Variants in RAB11FIP3 observed in about 807,000 individuals in gnomAD.
RAB11FIP3 encodes rab11 family-interacting protein 3.
Under a neutral mutation model 77.8 loss-of-function variants are expected in RAB11FIP3, and 17 were observed. The ratio of observed to expected loss-of-function variants is 0.22; its 90% confidence interval spans 0.15 to 0.33. The LOEUF is 0.33. Ranked by LOEUF, RAB11FIP3 falls within the 10% of genes least tolerant of loss-of-function variation. RAB11FIP3 has a pLI of 1.00. For synonymous variants in RAB11FIP3, 437 were observed against 448.2 expected (o/e 0.98, Z 0.31); for missense variants, 1,005 against 1,011.2 (o/e 0.99, Z 0.08).
chr16:508,839 A>G (rs2031997290), intron 8 of RAB11FIP3, among the ~76,000 whole-genome samples: 1 of 151,230 alleles, frequency 6.6e-6, no homozygotes, highest in Admixed American at 6.6e-5. Flanking sequence ...CCTCGTCTCT[A>G]ATTTTATCTT....
intron 6 of RAB11FIP3, among the ~76,000 whole-genome samples, chr16:499,220 G>T (rs1372714997): frequency 6.6e-6 from 1 of 152,100 alleles, no homozygotes; most frequent in Non-Finnish European, 1.5e-5. Flanking sequence ...CTCAAAAAAA[G>T]AAAGAAAAAG....
intron 8 of RAB11FIP3, among the ~76,000 whole-genome samples, chr16:508,268 T>C (rs1428795618): frequency 6.6e-6 from 1 of 152,252 alleles, no homozygotes; most frequent in Non-Finnish European, 1.5e-5. Context: ...CGCAGGGCCT[T>C]GATGTTCTCT....
chr16:456,068 A>C (rs1347419272), intron 1 of RAB11FIP3, among the ~76,000 whole-genome samples: 2 of 150,800 alleles, frequency 1.3e-5, no homozygotes, highest in Admixed American at 6.6e-5. Context: ...TGGCTCGCTC[A>C]CACCTGTAAC....
chr16:461,897 C>T lies in RAB11FIP3; in HGVS notation c.808+400C>T, dbSNP rs1258094155. 6.6e-6 allele frequency among the ~76,000 whole-genome samples: 1 copy of T among 152,208 alleles called. No homozygotes were observed. Among genetic ancestry groups the T allele is most frequent in the Non-Finnish European group, 1.5e-5 (1 of 68,044 alleles). On this transcript the variant is annotated intron_variant, in intron 2 of 13. Coordinates refer to ENST00000262305, the MANE Select transcript of RAB11FIP3 (RefSeq NM_014700.4). The surrounding 1 kb of genome is among the most constrained non-coding windows in gnomAD (Gnocchi z 4.5). ...CTCTGTCCATCTCCAGTCTGTCCCC[C>T]AGCCCCTCTTGAATGGGATGTGTTT...
chr16:481,224 C>A (rs996574426), intron 3 of RAB11FIP3, among the ~76,000 whole-genome samples: 6 of 151,982 alleles, frequency 3.9e-5, no homozygotes, highest in African/African-American at 1.4e-4. Context: ...CTCAAATGGT[C>A]CTCCTGGCTG....
intron 1 of RAB11FIP3, among the ~76,000 whole-genome samples, chr16:449,390 C>T (rs541499203): frequency 6.6e-6 from 1 of 152,196 alleles, no homozygotes; most frequent in Admixed American, 6.5e-5. Flanking sequence ...GTTCTTAGGT[C>T]CTGGAGAACC....
chr16:492,383 C>T (rs200029990), intron 5 of RAB11FIP3, among the ~76,000 whole-genome samples: 6,273 of 99,258 alleles, frequency 0.063, 245 homozygotes, highest in African/African-American at 0.23. Context: ...CCCGAGGCCG[C>T]CCAGAGCCCT....
intron 9 of RAB11FIP3, among the ~76,000 whole-genome samples, chr16:515,074 G>A (rs1384640205): frequency 1.3e-5 from 2 of 152,208 alleles, no homozygotes; most frequent in African/African-American, 2.4e-5. Context: ...GGGCAGAGCC[G>A]AGTGTGTCTG....
In RAB11FIP3 at chr16:425,910, C is replaced by T. The variant is rs1401312019; in HGVS notation, c.-97C>T. On this transcript the variant is annotated 5_prime_UTR_variant, in exon 1 of 14. Transcript: ENST00000262305. ...GCAGCCCGGGCGCCCCGCGCGCGCC[C>T]GCCCGCGCCGCCGAGGGGATGCCCG... 1.9e-5 allele frequency: 7 copies of T among 360,550 alleles called. No individual in the cohort carries two copies. Among genetic ancestry groups the T allele is most frequent in the African/African-American group, 1.6e-4 (7 of 44,698 alleles). 22.3% of individuals were successfully genotyped at this position (360,550 alleles called of 1,614,324 possible).
At chr16:491,060 G>A (rs747511289) in intron 5 of RAB11FIP3, 20 of 1,216,406 alleles carry the variant, frequency 1.6e-5, no homozygotes, top group South Asian at 1.6e-4. Flanking sequence ...TGTTCCCCTC[G>A]GCCCCTCGTG....
chr16:515,625 C>T (rs752059014), intron 9 of RAB11FIP3, among the ~76,000 whole-genome samples: 2 of 151,696 alleles, frequency 1.3e-5, no homozygotes, highest in African/African-American at 2.4e-5. Context: ...CCGGGGTTCG[C>T]ATCTCGGAGC....
At chr16:519,160 C>A in intron 10 of RAB11FIP3, 136 bp downstream of exon 10, 1 of 903,842 alleles carries the variant, frequency 1.1e-6, no homozygotes. Flanking sequence ...CAGCTCAGGG[C>A]CCAGGCCGCT....
chr16:440,486 T>C (rs1468340818), intron 1 of RAB11FIP3, among the ~76,000 whole-genome samples: 1 of 152,176 alleles, frequency 6.6e-6, no homozygotes, highest in Non-Finnish European at 1.5e-5. Flanking sequence ...GGGAGGCTCT[T>C]GCTCTGCCTA....
intron 6 of RAB11FIP3, among the ~76,000 whole-genome samples, chr16:497,987 A>C (rs1388639203): frequency 6.6e-6 from 1 of 151,736 alleles, no homozygotes; most frequent in African/African-American, 2.4e-5. Flanking sequence ...AAAAAAAGGA[A>C]AATAGGCAAG....
intron 4 of RAB11FIP3, among the ~76,000 whole-genome samples, chr16:487,887 C>T (rs1189654066): frequency 2.0e-5 from 3 of 151,996 alleles, no homozygotes; most frequent in Non-Finnish European, 4.4e-5. Flanking sequence ...TTGAACGGCG[C>T]CCCCCAGTGG....
intron 5 of RAB11FIP3, among the ~76,000 whole-genome samples, chr16:492,783 G>A (rs1235521887): frequency 1.3e-5 from 2 of 152,154 alleles, no homozygotes; most frequent in Non-Finnish European, 2.9e-5. Flanking sequence ...ATTTTCTGAA[G>A]ATTTTTGACA....
intron 1 of RAB11FIP3, among the ~76,000 whole-genome samples, chr16:430,970 A>G (rs2055025731): frequency 6.6e-6 from 1 of 152,232 alleles, no homozygotes. Context: ...GATTGCAGGC[A>G]TGAGCCGTAG....
intron 5 of RAB11FIP3, among the ~76,000 whole-genome samples, chr16:493,004 T>G (rs2030727524): frequency 6.6e-6 from 1 of 152,066 alleles, no homozygotes; most frequent in African/African-American, 2.4e-5. Context: ...TCTCAGCATT[T>G]TGGGAGGCTG....
chr16:497,987 A>G (rs1388639203), intron 6 of RAB11FIP3, among the ~76,000 whole-genome samples: 1 of 151,736 alleles, frequency 6.6e-6, no homozygotes, highest in African/African-American at 2.4e-5. Context: ...AAAAAAAGGA[A>G]AATAGGCAAG....
Sources: gnomAD v4.1 joint callset for allele counts (sites outside exome capture counted in the v4.1 genomes callset) on GRCh38, gnomAD v4.1.1 for gene constraint, Gnocchi (gnomAD v3.1) non-coding constraint, MANE v1.5 for transcripts, NCBI Gene and HGNC (gene_info 2026-07-23, HGNC 2026-07-21) for gene names.